The following CEMIP variants were observed in gnomAD, a reference collection of about 807,000 sequenced individuals.
CEMIP encodes the protein cell migration-inducing and hyaluronan-binding protein.
In CEMIP, 105 loss-of-function variants were observed where a neutral mutation model predicts 156.9. That is an observed-to-expected ratio of 0.67 (90% CI 0.57 to 0.79). The LOEUF (loss-of-function observed/expected upper bound fraction) is 0.79, where lower values mean the gene tolerates loss of function less well. CEMIP is among the 30% of genes least tolerant of loss of function. The probability of loss-of-function intolerance (pLI) is 0.00; values close to 1 mark genes in which losing one functional copy is unlikely to be tolerated. For missense variants in CEMIP, 1,457 were observed against 1,769.4 expected, an observed-to-expected ratio of 0.82 and a Z score of 3.17; for synonymous variants, 676 against 668.4, an observed-to-expected ratio of 1.01 and a Z score of -0.17.
intron 14 of CEMIP, chr15:80,909,585 A>G (rs1321247884): frequency 1.9e-6 from 1 of 525,044 alleles, no homozygotes; most frequent in Admixed American, 2.3e-5. Flanking sequence ...TTGGCATCAC[A>G]TGAAATCTGG....
chr15:80,789,579 A>T (rs1040817996), intron 1 of CEMIP, among the ~76,000 whole-genome samples: 3 of 151,904 alleles, frequency 2.0e-5, no homozygotes, highest in African/African-American at 2.4e-5. Context: ...TTTTTTTTTT[A>T]AATAAAAAGG....
chr15:80,854,220 T>G (rs948035793), intron 1 of CEMIP, among the ~76,000 whole-genome samples: 7 of 152,248 alleles, frequency 4.6e-5, no homozygotes, highest in Admixed American at 2.6e-4. Flanking sequence ...TGGAAGATCT[T>G]AGGCAACACG....
chr15:80,834,806 T>C (rs900262095), intron 1 of CEMIP, among the ~76,000 whole-genome samples: 5 of 152,024 alleles, frequency 3.3e-5, no homozygotes, highest in African/African-American at 1.2e-4. Flanking sequence ...AAGGGAAACA[T>C]AGTGGCGTTT....
intron 23 of CEMIP, 31 bp downstream of exon 23, chr15:80,933,491 C>A: frequency 6.5e-7 from 1 of 1,545,586 alleles, no homozygotes; most frequent in South Asian, 1.1e-5. Context: ...GCCGGCCACT[C>A]ACTTATTCAC....
chr15:80,814,043 C>CTTTTTTTTTTTTT (rs778309859), intron 1 of CEMIP, among the ~76,000 whole-genome samples: 1 of 73,728 alleles, frequency 1.4e-5, no homozygotes, highest in East Asian at 4.5e-4. Flanking sequence ...AACTCTTTGG[C>CTTTTTTTTTTTTT]TTTTTTTTTT....
rs1236690934 is a variant in CEMIP at position 80,906,683 on chromosome 15, A to G, written c.1432A>G (p.Ile478Val). 1.4e-5 allele frequency: 22 copies of G among 1,613,800 alleles called. No homozygotes were observed. The highest frequency in any genetic ancestry group is 1.7e-5 in the Non-Finnish European group (20 of 1,179,824). The change falls in exon 13 of 30, where the codon ATC becomes GTC. Residue 478 changes from isoleucine to valine, a missense_variant. Around this residue, in one of 5 missense-constraint regions of CEMIP, gnomAD observed 280 missense variants for 300.3 expected, o/e 0.93. Transcript: ENST00000394685. The surrounding 1 kb of genome is among the most constrained non-coding windows in gnomAD (Gnocchi z 4.3). ...CCTAGGGAAACCAATGTACCTGCAC[A>G]TCGGGGAGGAGATAGACGGCGTGGA... ...KVAGKPMYLH[I>V]GEEIDGVDMR...
intron 1 of CEMIP, among the ~76,000 whole-genome samples, chr15:80,802,223 C>A (rs1163524334): frequency 6.6e-6 from 1 of 152,224 alleles, no homozygotes; most frequent in African/African-American, 2.4e-5. Context: ...ACAGGGCTGG[C>A]ACCTGAGAGT....
chr15:80,925,771 G>A lies in CEMIP; in HGVS notation c.2420+16G>A, dbSNP rs370650193. 28 of 1,609,800 alleles carry A rather than the reference G, an allele frequency of 1.7e-5. No individual in the cohort carries two copies. Among genetic ancestry groups the A allele is most frequent in the African/African-American group, 5.3e-5 (4 of 74,900 alleles). ...ACAGCTGCCGGTGAGTCAGAGCGGC[G>A]TGTGGCTTTGGCACAAAGGGGGCAT... On this transcript the variant is annotated intron_variant, in intron 19 of 29. Coordinates refer to ENST00000394685, the MANE Select transcript of CEMIP (RefSeq NM_001293298.2).
At chr15:80,926,814 G>GAGA (rs1900690842) in intron 19 of CEMIP, among the ~76,000 whole-genome samples, 1 of 128,972 alleles carries the variant, frequency 7.8e-6, no homozygotes, top group African/African-American at 4.3e-5. Context: ...GAGAGACTGA[G>GAGA]CGGGTGGGGG....
intron 1 of CEMIP, among the ~76,000 whole-genome samples, chr15:80,811,095 C>T (rs1464377779): frequency 1.3e-5 from 2 of 152,190 alleles, no homozygotes. Context: ...AGCCTCTTCC[C>T]CCAACCTACT....
At chr15:80,929,471 G>C (rs1403602850) in intron 21 of CEMIP, among the ~76,000 whole-genome samples, 1 of 152,222 alleles carries the variant, frequency 6.6e-6, no homozygotes, top group African/African-American at 2.4e-5. Flanking sequence ...GGGACTGTGA[G>C]TCCTTTTCTC....
At chr15:80,899,430 ATGGGAGGTGC>A (rs1899373762) in intron 12 of CEMIP, among the ~76,000 whole-genome samples, 2 of 152,192 alleles carry the variant, frequency 1.3e-5, no homozygotes, top group Admixed American at 1.3e-4. Context: ...AAAGTGGAAT[ATGGGAGGTGC>A]TGGGAGTATA....
At chr15:80,795,077 G>A (rs1218948331) in intron 1 of CEMIP, among the ~76,000 whole-genome samples, 1 of 152,040 alleles carries the variant, frequency 6.6e-6, no homozygotes, top group Admixed American at 6.5e-5. Flanking sequence ...GGCTGGGGCA[G>A]GGAAAGTGAG....
chr15:80,818,131 C>T (rs893869677), intron 1 of CEMIP, among the ~76,000 whole-genome samples: 1 of 152,162 alleles, frequency 6.6e-6, no homozygotes, highest in Non-Finnish European at 1.5e-5. Flanking sequence ...CAGCAGCTTA[C>T]TACAAAAAAA....
At chr15:80,831,289 G>C (rs1382607759) in intron 1 of CEMIP, among the ~76,000 whole-genome samples, 1 of 152,170 alleles carries the variant, frequency 6.6e-6, no homozygotes, top group Non-Finnish European at 1.5e-5. Context: ...TCGTGGGAGA[G>C]GCTCAGAGAA....
At chr15:80,815,555 A>C (rs1896771560) in intron 1 of CEMIP, among the ~76,000 whole-genome samples, 2 of 129,716 alleles carry the variant, frequency 1.5e-5, no homozygotes, top group African/African-American at 5.8e-5. Context: ...CTCCCTTCCT[A>C]CCTCCCTTCT....
At chr15:80,853,259 G>C (rs961185013) in intron 1 of CEMIP, among the ~76,000 whole-genome samples, 1 of 152,214 alleles carries the variant, frequency 6.6e-6, no homozygotes, top group Non-Finnish European at 1.5e-5. Flanking sequence ...AAATGGAAAG[G>C]GGGGAAAAGC....
Position 80,865,339 on chromosome 15 carries a change from G to A in CEMIP, c.-175-8199G>A, listed in dbSNP as rs373080340. On this transcript the variant is annotated intron_variant, in intron 1 of 29. Transcript: ENST00000394685. ...TGGGTCTACGGGCTCGCGCCACCAC[G>A]CCCGGCTAATGTTTGTATTTTTAGT... Among the ~76,000 whole-genome samples the A allele has an allele frequency of 2.6e-5, 4 of 152,004 alleles. No homozygotes were observed. The East Asian group carries it at 5.8e-4, about 22-fold the overall frequency.
At chr15:80,887,467 C>T (rs748424955) in intron 7 of CEMIP, among the ~76,000 whole-genome samples, 2 of 152,178 alleles carry the variant, frequency 1.3e-5, no homozygotes, top group Non-Finnish European at 2.9e-5. Flanking sequence ...TCACAGGGAG[C>T]AAACATCAGG....
Sources: gnomAD v4.1 joint callset for allele counts (sites outside exome capture counted in the v4.1 genomes callset) on GRCh38, gnomAD v4.1.1 for gene constraint, gnomAD v4.1.1 regional missense constraint, Gnocchi (gnomAD v3.1) non-coding constraint, MANE v1.5 for transcripts, NCBI Gene and HGNC (gene_info 2026-07-23, HGNC 2026-07-21) for gene names.